TBC1D22A: variants seen among roughly 807,000 people sequenced by gnomAD.
The protein encoded by TBC1D22A is putative GTPase activator.
Under a neutral mutation model 60.2 loss-of-function variants are expected in TBC1D22A, and 38 were observed. That is an observed-to-expected ratio of 0.63 (90% CI 0.49 to 0.83). The LOEUF is 0.83. TBC1D22A is among the 40% of genes least tolerant of loss of function. The probability of loss-of-function intolerance (pLI) is 0.00; values close to 1 mark genes in which losing one functional copy is unlikely to be tolerated. For missense variants in TBC1D22A, 628 were observed against 701.0 expected (o/e 0.90, Z 1.18); for synonymous variants, 302 against 281.7 (o/e 1.07, Z -0.72).
At chr22:46,791,531 G>GTTTT (rs11351638) in intron 1 of TBC1D22A, among the ~76,000 whole-genome samples, 1 of 140,628 alleles carries the variant, frequency 7.1e-6, no homozygotes. Flanking sequence ...AGCTAAGCCT[G>GTTTT]TTTTTTTTTT....
chr22:47,114,192 T>C (rs1225222193), intron 12 of TBC1D22A, among the ~76,000 whole-genome samples: 2 of 152,080 alleles, frequency 1.3e-5, no homozygotes, highest in Non-Finnish European at 2.9e-5. Flanking sequence ...CCCGGCCTAC[T>C]TAACTTGAGA....
intron 4 of TBC1D22A, among the ~76,000 whole-genome samples, chr22:46,875,662 G>C (rs940211015): frequency 6.6e-6 from 1 of 152,152 alleles, no homozygotes; most frequent in African/African-American, 2.4e-5. Flanking sequence ...ATGTTGGCCA[G>C]GCTAGTCTTG....
At chr22:47,087,954 T>A (rs1217553696) in intron 11 of TBC1D22A, among the ~76,000 whole-genome samples, 1 of 151,984 alleles carries the variant, frequency 6.6e-6, no homozygotes, top group African/African-American at 2.4e-5. Flanking sequence ...GCGCCTGTAG[T>A]TCCAGCTACT....
chr22:46,795,093 G>T (rs529236180), intron 3 of TBC1D22A, among the ~76,000 whole-genome samples: 17 of 152,328 alleles, frequency 1.1e-4, no homozygotes, highest in African/African-American at 4.1e-4. Flanking sequence ...TTTCTTTTTG[G>T]AGTGTAATAA....
At chr22:46,927,766 C>A (rs187349308) in intron 8 of TBC1D22A, among the ~76,000 whole-genome samples, 3 of 152,092 alleles carry the variant, frequency 2.0e-5, no homozygotes, top group Admixed American at 6.5e-5. Flanking sequence ...ATTAAAAAAT[C>A]GGTTACATTT....
chr22:47,005,529 TC>T (rs2061559067), intron 10 of TBC1D22A, among the ~76,000 whole-genome samples: 2 of 150,404 alleles, frequency 1.3e-5, no homozygotes, highest in South Asian at 2.1e-4. Context: ...ACACACACCT[TC>T]CCATATTCAC....
At chr22:46,976,320 C>T (rs577711703) in intron 9 of TBC1D22A, among the ~76,000 whole-genome samples, 4 of 152,310 alleles carry the variant, frequency 2.6e-5, no homozygotes, top group South Asian at 2.1e-4. Flanking sequence ...AGCACATCAC[C>T]GTCCCGTGGC....
rs115189084 is a variant in TBC1D22A at position 46,976,321 on chromosome 22, G to A, written c.1125+1922G>A. On this transcript the variant is annotated intron_variant, in intron 9 of 12. Transcript: ENST00000337137. ...GCGCGTGTGTTTATAGCACATCACC[G>A]TCCCGTGGCAGCCGTTGATCTTCTC... Among the ~76,000 whole-genome samples the A allele has an allele frequency of 1.2e-3, 176 of 152,274 alleles. 1 individual carries two copies. Among genetic ancestry groups the A allele is most frequent in the African/African-American group, 3.9e-3 (163 of 41,546 alleles).
chr22:46,807,889 C>T (rs2085216923), intron 4 of TBC1D22A, among the ~76,000 whole-genome samples: 1 of 152,106 alleles, frequency 6.6e-6, no homozygotes, highest in South Asian at 2.1e-4. Flanking sequence ...ATTGCTCGAG[C>T]CCAGGAGTTG....
At chr22:46,803,113 T>C (rs569361138) in intron 4 of TBC1D22A, among the ~76,000 whole-genome samples, 23 of 147,030 alleles carry the variant, frequency 1.6e-4, no homozygotes, top group African/African-American at 5.7e-4. Flanking sequence ...GCCTTCACTC[T>C]GTGCTGGGCA....
At chr22:46,994,730 T>C (rs1270366901) in intron 9 of TBC1D22A, among the ~76,000 whole-genome samples, 1 of 152,230 alleles carries the variant, frequency 6.6e-6, no homozygotes, top group East Asian at 1.9e-4. Flanking sequence ...TGTGCAGCTA[T>C]ATTGTTCAAC....
At chr22:46,828,523 G>A (rs192755187) in intron 4 of TBC1D22A, among the ~76,000 whole-genome samples, 37 of 152,358 alleles carry the variant, frequency 2.4e-4, no homozygotes, top group Middle Eastern at 3.4e-3. Flanking sequence ...GGCCTGGGCC[G>A]CTTTGGGAGT....
At chr22:47,161,799 G>A (rs2067994140) in intron 12 of TBC1D22A, among the ~76,000 whole-genome samples, 1 of 152,246 alleles carries the variant, frequency 6.6e-6, no homozygotes, top group African/African-American at 2.4e-5. Flanking sequence ...GTGAGCTTGA[G>A]CTCTCTAGCG....
chr22:46,866,937 C>A (rs750622934), intron 4 of TBC1D22A, among the ~76,000 whole-genome samples: 1 of 152,246 alleles, frequency 6.6e-6, no homozygotes, highest in Non-Finnish European at 1.5e-5. Flanking sequence ...CCAAGGACAT[C>A]TTTTCTGATT....
At chr22:46,980,231 G>A (rs1013836907) in intron 9 of TBC1D22A, among the ~76,000 whole-genome samples, 26 of 152,280 alleles carry the variant, frequency 1.7e-4, no homozygotes, top group African/African-American at 5.5e-4. Context: ...TGCACAGGTC[G>A]GAGTACAGTG....
intron 7 of TBC1D22A, among the ~76,000 whole-genome samples, chr22:46,909,351 G>C (rs1444424479): frequency 6.6e-6 from 1 of 152,066 alleles, no homozygotes. Flanking sequence ...ACTGCAGTGC[G>C]ACTGCCCCCT....
In TBC1D22A at chr22:46,904,145, A is replaced by G. The variant is rs130982; in HGVS notation, c.901-7929A>G. 6.5e-4 allele frequency among the ~76,000 whole-genome samples: 49 copies of G among 75,546 alleles called. 1 individual carries two copies. The South Asian group carries it at 0.013, about 19-fold the overall frequency. The allele number at this position is 75,546 out of a possible 152,430, so 49.6% of individuals were successfully genotyped here. A position where few individuals can be genotyped will look rare whatever the true frequency, so the allele number is the denominator to read the frequency against. ...TATCTATCTATCTATCTATCTATCT[A>G]CCTACCTACCTACCTACCTACCTAC... is the stretch of plus-strand genomic sequence containing the variant. On this transcript the variant is annotated intron_variant, in intron 7 of 12. Coordinates refer to ENST00000337137, the MANE Select transcript of TBC1D22A (RefSeq NM_014346.5).
chr22:47,014,914 C>T (rs1227764415), intron 10 of TBC1D22A, among the ~76,000 whole-genome samples: 4 of 152,236 alleles, frequency 2.6e-5, no homozygotes, highest in Non-Finnish European at 1.5e-5. Context: ...ACAGAGCCTC[C>T]CTCTCCCTTC....
At chr22:47,080,884 AG>A (rs2064435997) in intron 11 of TBC1D22A, among the ~76,000 whole-genome samples, 1 of 152,160 alleles carries the variant, frequency 6.6e-6, no homozygotes, top group African/African-American at 2.4e-5. Context: ...GCACTTTGGG[AG>A]GCCGAGGTGG....
Sources: allele counts gnomAD v4.1 joint callset (sites outside exome capture counted in the v4.1 genomes callset), GRCh38; gene constraint gnomAD v4.1.1; transcripts MANE v1.5; gene names NCBI Gene and HGNC (gene_info 2026-07-23, HGNC 2026-07-21).